Variants in ATOSA observed in about 807,000 individuals in gnomAD.
ATOSA encodes atos homolog protein A.
the ATOSA span, among the ~76,000 whole-genome samples, chr15:52,675,531 G>T: frequency 7.9e-5 from 12 of 152,166 alleles, no homozygotes; most frequent in African/African-American, 2.9e-4. Flanking sequence ...ACTATAATCT[G>T]AGTCTCTACA....
the ATOSA span, among the ~76,000 whole-genome samples, chr15:52,626,742 A>G: frequency 6.6e-6 from 1 of 152,000 alleles, no homozygotes; most frequent in African/African-American, 2.4e-5. Context: ...TTTATTTCCA[A>G]ATCTCATCCA....
At chr15:52,600,083 G>C in the ATOSA span, 8 of 981,084 alleles carry the variant, frequency 8.2e-6, no homozygotes, top group East Asian at 1.5e-4. Context: ...CTAGAACCTA[G>C]GGTATAAAAT....
the ATOSA span, among the ~76,000 whole-genome samples, chr15:52,638,440 C>T: frequency 6.6e-6 from 1 of 151,994 alleles, no homozygotes; most frequent in African/African-American, 2.4e-5. Context: ...GGCACAGTGG[C>T]TCCCAGCACT....
the ATOSA span, among the ~76,000 whole-genome samples, chr15:52,631,349 T>C: frequency 1.3e-5 from 2 of 152,150 alleles, no homozygotes; most frequent in Non-Finnish European, 2.9e-5. Flanking sequence ...CATTCTCCCA[T>C]ATTAACCTCT....
At chr15:52,660,052 A>G in the ATOSA span, among the ~76,000 whole-genome samples, 1 of 152,218 alleles carries the variant, frequency 6.6e-6, no homozygotes, top group East Asian at 1.9e-4. Context: ...ACAGTTAAAT[A>G]TGTTAAATTT....
the ATOSA span, among the ~76,000 whole-genome samples, chr15:52,679,670 G>C: frequency 6.6e-6 from 1 of 152,170 alleles, no homozygotes; most frequent in Non-Finnish European, 1.5e-5. Flanking sequence ...ACCAGGAATC[G>C]GAGCTGCGCT....
At chr15:52,634,790 C>T in the ATOSA span, among the ~76,000 whole-genome samples, 4 of 151,868 alleles carry the variant, frequency 2.6e-5, no homozygotes, top group Admixed American at 2.6e-4. Flanking sequence ...TTGGTAGAGA[C>T]GGGGTTTCAC....
chr15:52,694,904 C>A, the ATOSA span, among the ~76,000 whole-genome samples: 1 of 140,326 alleles, frequency 7.1e-6, no homozygotes, highest in Admixed American at 7.1e-5. Flanking sequence ...CCCCATTATT[C>A]TTTTTTTTTT....
At chr15:52,699,799 C>A in the ATOSA span, among the ~76,000 whole-genome samples, 1 of 152,080 alleles carries the variant, frequency 6.6e-6, no homozygotes, top group Admixed American at 6.5e-5. Context: ...GATCACCATG[C>A]CTTACTGTAG....
chr15:52,610,199 T>C, the ATOSA span: 2 of 1,614,022 alleles, frequency 1.2e-6, no homozygotes, highest in East Asian at 2.2e-5. Flanking sequence ...TGTTGAATTC[T>C]TTTCTCATAA....
the ATOSA span, chr15:52,651,968 T>A: frequency 2.6e-6 from 4 of 1,534,216 alleles, no homozygotes; most frequent in Non-Finnish European, 3.5e-6. Flanking sequence ...TATCAGTAAC[T>A]GAGGGATCCA....
the ATOSA span, among the ~76,000 whole-genome samples, chr15:52,698,814 T>C: frequency 2.6e-5 from 4 of 152,194 alleles, no homozygotes; most frequent in African/African-American, 4.8e-5. Flanking sequence ...TAAGTAAAAA[T>C]TCAAGCTACA....
chr15:52,597,206 T>TTC, the ATOSA span, among the ~76,000 whole-genome samples: 5 of 8,074 alleles, frequency 6.2e-4, no homozygotes, highest in South Asian at 6.2e-3. Context: ...TTCTATTCTA[T>TTC]TCTATTCTAT....
chr15:52,586,334 A>G, the ATOSA span: 1 of 152,242 alleles, frequency 6.6e-6, no homozygotes, highest in Admixed American at 6.5e-5. Flanking sequence ...AAATATACAG[A>G]TTCCTTGCAG....
chr15:52,610,420 ATAAAG>A, the ATOSA span: 1 of 1,550,802 alleles, frequency 6.4e-7, no homozygotes, highest in African/African-American at 1.4e-5. Context: ...TTATTGGATT[ATAAAG>A]GTTAGATCCT....
chr15:52,694,743 C>T, the ATOSA span, among the ~76,000 whole-genome samples: 3 of 151,898 alleles, frequency 2.0e-5, no homozygotes, highest in Non-Finnish European at 4.4e-5. Context: ...ACACACAATG[C>T]CAAAATACAA....
the ATOSA span, among the ~76,000 whole-genome samples, chr15:52,680,632 G>C: frequency 9.9e-5 from 15 of 152,142 alleles, no homozygotes; most frequent in Non-Finnish European, 1.9e-4. Context: ...AAAATAACAT[G>C]TACAACTGAA....
the ATOSA span, among the ~76,000 whole-genome samples, chr15:52,693,703 A>G: frequency 6.6e-6 from 1 of 152,266 alleles, no homozygotes; most frequent in African/African-American, 2.4e-5. Flanking sequence ...CATAAAGTCA[A>G]TGCAATCTCA....
At chr15:52,677,771 A>G in the ATOSA span, among the ~76,000 whole-genome samples, 6 of 152,342 alleles carry the variant, frequency 3.9e-5, no homozygotes, top group Non-Finnish European at 7.3e-5. Context: ...TCATTTTGAG[A>G]TACACTAGAA....
Sources: allele counts gnomAD v4.1 joint callset (sites outside exome capture counted in the v4.1 genomes callset), GRCh38; gene constraint gnomAD v4.1.1; transcripts MANE v1.5; gene names NCBI Gene and HGNC (gene_info 2026-07-23, HGNC 2026-07-21).